Variants in MECOM observed in about 807,000 individuals in gnomAD.
MECOM encodes the protein histone-lysine N-methyltransferase MECOM.
MECOM carries 13 observed loss-of-function variants against 116.3 expected under a neutral mutation model. That is an observed-to-expected ratio of 0.11 (90% CI 0.07 to 0.18). The LOEUF is 0.18. MECOM is among the 10% of genes least tolerant of loss of function. MECOM has a pLI of 1.00. For synonymous variants in MECOM, 528 were observed against 535.2 expected (o/e 0.99, Z 0.19); for missense variants, 1,299 against 1,509.0 (o/e 0.86, Z 2.31).
intron 2 of MECOM, among the ~76,000 whole-genome samples, chr3:169,155,098 G>T (rs1741750229): frequency 6.6e-6 from 1 of 152,114 alleles, no homozygotes; most frequent in Non-Finnish European, 1.5e-5. Context: ...AAACTAAACT[G>T]TCTTTGAGAC....
intron 1 of MECOM, among the ~76,000 whole-genome samples, chr3:169,387,855 G>T (rs1004442119): frequency 1.3e-5 from 2 of 152,132 alleles, no homozygotes; most frequent in African/African-American, 4.8e-5. Context: ...ACTGCCAAGA[G>T]GAGCTCAACT....
At chr3:169,207,168 T>C (rs1319082034) in intron 2 of MECOM, among the ~76,000 whole-genome samples, 7 of 152,102 alleles carry the variant, frequency 4.6e-5, no homozygotes, top group Non-Finnish European at 1.0e-4. Flanking sequence ...AGCTGAGAAA[T>C]AAACAGTGTG....
intron 2 of MECOM, among the ~76,000 whole-genome samples, chr3:169,191,792 A>G (rs79329012): frequency 0.12 from 17,811 of 143,690 alleles, 1,662 homozygotes; most frequent in East Asian, 0.37. Flanking sequence ...GAAAGAAAGA[A>G]AGGGAGGGAA....
At chr3:169,566,746 T>C (rs1468772188) in intron 1 of MECOM, among the ~76,000 whole-genome samples, 1 of 152,142 alleles carries the variant, frequency 6.6e-6, no homozygotes, top group African/African-American at 2.4e-5. Context: ...CAGATCCCAA[T>C]AGAAAGTTAC....
At chr3:169,520,696 A>T (rs1757234863) in intron 1 of MECOM, among the ~76,000 whole-genome samples, 2 of 152,186 alleles carry the variant, frequency 1.3e-5, no homozygotes. Flanking sequence ...ATGTTATTAA[A>T]TACAAACACA....
At chr3:169,226,094 TC>T (rs1752696009) in intron 2 of MECOM, among the ~76,000 whole-genome samples, 1 of 152,236 alleles carries the variant, frequency 6.6e-6, no homozygotes, top group Admixed American at 6.5e-5. Context: ...CACGTCCCCA[TC>T]TTGCCTAACC....
At chr3:169,575,424 C>T (rs1340794442) in intron 1 of MECOM, among the ~76,000 whole-genome samples, 2 of 152,156 alleles carry the variant, frequency 1.3e-5, no homozygotes, top group East Asian at 3.9e-4. Flanking sequence ...CGAAGACTGG[C>T]AGAGAATGCC....
chr3:169,230,247 GA>G (rs5854319), intron 2 of MECOM, among the ~76,000 whole-genome samples: 19 of 148,750 alleles, frequency 1.3e-4, no homozygotes, highest in East Asian at 8.0e-4. Context: ...GTGCCAAAAA[GA>G]AAAAAAAAAG....
At chr3:169,515,282 AACTC>A (rs1756485948) in intron 1 of MECOM, among the ~76,000 whole-genome samples, 1 of 152,204 alleles carries the variant, frequency 6.6e-6, no homozygotes, top group Non-Finnish European at 1.5e-5. Flanking sequence ...TGACAATCCC[AACTC>A]ACTCACTCCA....
chr3:169,508,168 C>T (rs1348986016), intron 1 of MECOM, among the ~76,000 whole-genome samples: 1 of 151,900 alleles, frequency 6.6e-6, no homozygotes, highest in African/African-American at 2.4e-5. Context: ...AGAAGGGTCC[C>T]TCCACATTCA....
chr3:169,118,381 A>G (rs568567119), intron 7 of MECOM, among the ~76,000 whole-genome samples: 2 of 152,320 alleles, frequency 1.3e-5, no homozygotes, highest in Non-Finnish European at 2.9e-5. Context: ...AAATTATTTT[A>G]CCAGAATATA....
chr3:169,458,609 G>C (rs1047369514), intron 1 of MECOM, among the ~76,000 whole-genome samples: 19 of 152,188 alleles, frequency 1.2e-4, no homozygotes, highest in African/African-American at 4.1e-4. Context: ...GGTTGCCTGA[G>C]CAGCAATCAT....
chr3:169,325,782 G>T (rs1479025527), intron 2 of MECOM, among the ~76,000 whole-genome samples: 3 of 152,194 alleles, frequency 2.0e-5, no homozygotes, highest in African/African-American at 7.2e-5. Flanking sequence ...TGGGTCGGGG[G>T]TGATAGTTGC....
chr3:169,263,314 G>C (rs1312081772), intron 2 of MECOM, among the ~76,000 whole-genome samples: 1 of 150,734 alleles, frequency 6.6e-6, no homozygotes, highest in African/African-American at 2.4e-5. Flanking sequence ...ATTTTTAGTA[G>C]ACACGGGGTT....
At chr3:169,235,626 G>A (rs1385635929) in intron 2 of MECOM, among the ~76,000 whole-genome samples, 2 of 151,966 alleles carry the variant, frequency 1.3e-5, no homozygotes, top group Non-Finnish European at 2.9e-5. Context: ...TAAAATTAAA[G>A]TGATAGACTC....
chr3:169,584,205 A>G (rs1765458626), intron 1 of MECOM, among the ~76,000 whole-genome samples: 1 of 152,218 alleles, frequency 6.6e-6, no homozygotes, highest in Non-Finnish European at 1.5e-5. Context: ...AGACAGTAAT[A>G]GACATTAGAA....
intron 2 of MECOM, 99 bp downstream of exon 2, chr3:169,381,088 T>C (rs1732313480): frequency 9.5e-7 from 1 of 1,055,126 alleles, no homozygotes. Flanking sequence ...TGAAAACATA[T>C]TGTAACAAAT....
chr3:169,514,026 G>T (rs562986859), intron 1 of MECOM, among the ~76,000 whole-genome samples: 24 of 152,226 alleles, frequency 1.6e-4, no homozygotes, highest in African/African-American at 5.3e-4. Flanking sequence ...TTTCACAATT[G>T]TTCTACAAGG....
intron 1 of MECOM, among the ~76,000 whole-genome samples, chr3:169,462,343 T>C (rs981650924): frequency 6.6e-6 from 1 of 152,182 alleles, no homozygotes; most frequent in Non-Finnish European, 1.5e-5. Flanking sequence ...AATGATGGGC[T>C]TAATGTCAGA....
Sources: gnomAD v4.1 joint callset for allele counts (sites outside exome capture counted in the v4.1 genomes callset) on GRCh38, gnomAD v4.1.1 for gene constraint, MANE v1.5 for transcripts, NCBI Gene and HGNC (gene_info 2026-07-23, HGNC 2026-07-21) for gene names.